The following CHUK variants were observed in gnomAD, a reference collection of about 807,000 sequenced individuals.
CHUK encodes component of inhibitor of nuclear factor kappa B kinase complex.
In CHUK, 35 loss-of-function variants were observed where a neutral mutation model predicts 104.8. The ratio of observed to expected loss-of-function variants is 0.33; its 90% confidence interval spans 0.26 to 0.44. The LOEUF is 0.44. Ranked by LOEUF, CHUK falls within the 20% of genes least tolerant of loss-of-function variation. The pLI is 1.00. For missense variants in CHUK, 663 were observed against 902.7 expected, an observed-to-expected ratio of 0.73 and a Z score of 3.40; for synonymous variants, 276 against 291.9, an observed-to-expected ratio of 0.95 and a Z score of 0.56.
intron 10 of CHUK, among the ~76,000 whole-genome samples, chr10:100,208,299 G>A (rs1361594259): frequency 6.6e-6 from 1 of 152,084 alleles, no homozygotes; most frequent in Admixed American, 6.5e-5. Context: ...TAGAGACAGG[G>A]CTTCAACATG....
rs1463653608 is a variant in CHUK, at chr10:100,220,665, G to A, written c.397C>T (p.Arg133Ter). The change falls in exon 5 of 21, where the codon CGA becomes TGA. Residue 133 changes from arginine to a stop codon, truncating the protein, a stop_gained. Transcript: ENST00000370397. LOFTEE classifies it high-confidence loss of function. ...ATAATTTTGTTTTCATGCAAATATCGAATCCCAGACCCTAAATAAAGTTTA... is the reference window on the plus strand; with the variant it reads ...ATAATTTTGTTTTCATGCAAATATCAAATCCCAGACCCTAAATAAAGTTTA... ...SLLSDIGSGI[R>*]YLHENKIIHR... 2.5e-6 allele frequency: 4 copies of A among 1,603,830 alleles called. No homozygotes were observed. The African/African-American group carries it at 4.0e-5, about 16-fold the overall frequency.
intron 10 of CHUK, 126 bp downstream of exon 10, chr10:100,209,469 G>A (rs536849759): frequency 1.3e-5 from 9 of 690,874 alleles, no homozygotes; most frequent in Non-Finnish European, 2.1e-5. Context: ...TAAGAGTTGG[G>A]AGAAGGACAA....
Position 100,229,565 on chromosome 10 carries a change from A to C in CHUK, c.-33T>G. 1.4e-6 allele frequency: 2 copies of C among 1,380,398 alleles called. No homozygotes were observed. Among genetic ancestry groups the C allele is most frequent in the Non-Finnish European group, 2.0e-6 (2 of 1,014,462 alleles). 85.5% of individuals were successfully genotyped at this position (1,380,398 alleles called of 1,614,324 possible). A position where few individuals can be genotyped will look rare whatever the true frequency, so the allele number is the denominator to read the frequency against. ...GAGGGCAAGCGGCCTCAGGTTCCAC[A>C]GTTGTTCCAAGGCCGGTTCCGGGCC... is the stretch of plus-strand genomic sequence containing the variant. On this transcript the variant is annotated 5_prime_UTR_variant, in exon 1 of 21. Transcript: ENST00000370397.
intron 20 of CHUK, 26 bp downstream of exon 20, chr10:100,190,843 G>C (rs779268618): frequency 1.5e-6 from 2 of 1,323,292 alleles, no homozygotes; most frequent in Non-Finnish European, 2.2e-6. Context: ...AGCCAAAGCA[G>C]GCACCCATAT....
At chr10:100,204,425 C>T (rs1405120426) in intron 13 of CHUK, 81 bp downstream of exon 13, 1 of 1,119,308 alleles carries the variant, frequency 8.9e-7, no homozygotes, top group East Asian at 2.3e-5. Flanking sequence ...AGTAAAACAA[C>T]TGGCTGAGTT....
chr10:100,229,529 C>T lies in CHUK; in HGVS notation c.4G>A (p.Glu2Lys). M[E>K]RPPGLRPGAG... is the part of the protein sequence containing the mutation. ...CCCGGCCGCAGCCCCGGGGGCCGCT[C>T]CATGGGGCGGGAGGGCAAGCGGCCT... The change falls in exon 1 of 21, where the codon GAG (glutamate) becomes AAG (lysine). Residue 2 changes from glutamate (E) to lysine (K), a missense_variant. Physicochemically the swap from Glu to Lys is moderately conservative, Grantham distance 56. Around this residue, in one of 5 missense-constraint regions of CHUK, gnomAD observed 44 missense variants for 39.2 expected, o/e 1.12. Coordinates refer to ENST00000370397, the MANE Select transcript of CHUK (RefSeq NM_001278.5). The T allele has an allele frequency of 2.6e-6, 4 of 1,540,412 alleles. No individual in the cohort carries two copies. Among genetic ancestry groups the T allele is most frequent in the Non-Finnish European group, 3.5e-6 (4 of 1,147,802 alleles).
At chr10:100,218,934 A>C in intron 7 of CHUK, 74 bp downstream of exon 7, 1 of 1,572,048 alleles carries the variant, frequency 6.4e-7, no homozygotes, top group East Asian at 2.2e-5. Flanking sequence ...AAACAATTAA[A>C]GAAAGAAAAA....
chr10:100,223,606 CT>C (rs1168506872), intron 2 of CHUK, among the ~76,000 whole-genome samples: 4 of 136,950 alleles, frequency 2.9e-5, no homozygotes, highest in African/African-American at 6.9e-5. Flanking sequence ...GACCACATCT[CT>C]TTTAAAAAAA....
At chr10:100,218,624 C>G in intron 8 of CHUK, 94 bp downstream of exon 8, 1 of 839,020 alleles carries the variant, frequency 1.2e-6, no homozygotes, top group Non-Finnish European at 2.1e-6. Flanking sequence ...GAAAGTTCTA[C>G]TGGATAATGC....
At chr10:100,224,445 A>ATTAT (rs1387260536) in intron 2 of CHUK, among the ~76,000 whole-genome samples, 7 of 151,982 alleles carry the variant, frequency 4.6e-5, no homozygotes, top group South Asian at 2.1e-4. Flanking sequence ...TTTATTTTTT[A>ATTAT]TTATTTATTT....
intron 18 of CHUK, 150 bp downstream of exon 18, chr10:100,193,834 G>C (rs780520158): frequency 2.8e-5 from 20 of 711,054 alleles, no homozygotes; most frequent in Non-Finnish European, 4.2e-5. Flanking sequence ...TCAATTGCTA[G>C]TCTGGACACC....
chr10:100,208,526 G>T (rs1275761183), intron 10 of CHUK, among the ~76,000 whole-genome samples: 1 of 152,172 alleles, frequency 6.6e-6, no homozygotes, highest in Non-Finnish European at 1.5e-5. Flanking sequence ...GAGTGGCCGG[G>T]TGCAGTGGCT....
chr10:100,224,640 T>C (rs562345325), intron 2 of CHUK, among the ~76,000 whole-genome samples: 1 of 152,140 alleles, frequency 6.6e-6, no homozygotes, highest in South Asian at 2.1e-4. Context: ...TTTTGCCATG[T>C]TGACCGGGCT....
chr10:100,217,439 G>C (rs746569862), intron 9 of CHUK, among the ~76,000 whole-genome samples: 1 of 152,068 alleles, frequency 6.6e-6, no homozygotes. Flanking sequence ...TAAATGAATC[G>C]AGGATAATGG....
Position 100,219,341 on chromosome 10 carries a change from C to T in CHUK, c.493G>A (p.Asp165Asn). 1 of 1,575,546 alleles carries T rather than the reference C, an allele frequency of 6.3e-7. No individual in the cohort carries two copies. Among genetic ancestry groups the T allele is most frequent in the Admixed American group, 1.7e-5 (1 of 59,942 alleles). Residue 165 changes from aspartate to asparagine, a missense_variant, in exon 6 of 21, where the codon GAT becomes AAT. By Grantham distance (23) the Asp-to-Asn change is conservative. This residue lies in a region of CHUK where 200 missense variants were observed against 333.0 expected (regional missense o/e 0.60). Coordinates refer to ENST00000370397, the MANE Select transcript of CHUK (RefSeq NM_001278.5). Reference protein sequence around the residue: ...VGGKIIHKIIDLGYAKDVDQG... With the variant: ...VGGKIIHKIINLGYAKDVDQG... ...TCAACATCTTTGGCATATCCCAGAT[C>T]AATTATTTTATGTATTATCTGCAAA...
At position 100,219,333 on chromosome 10, in the gene CHUK, T is replaced by C; in HGVS notation, c.501A>G (p.Gly167=). ...TTCCTTGATCAACATCTTTGGCATATCCCAGATCAATTATTTTATGTATTA... is the reference window on the plus strand; with the variant it reads ...TTCCTTGATCAACATCTTTGGCATACCCCAGATCAATTATTTTATGTATTA... ...GKIIHKIIDL[G]YAKDVDQGSL... The change falls in exon 6 of 21, where the codon GGA becomes GGG. Residue 167 remains glycine (G), a synonymous_variant. Transcript: ENST00000370397. 1 of 1,585,980 alleles carries C rather than the reference T, an allele frequency of 6.3e-7. No individual in the cohort carries two copies. Among genetic ancestry groups the C allele is most frequent in the African/African-American group, 1.3e-5 (1 of 74,492 alleles).
intron 10 of CHUK, among the ~76,000 whole-genome samples, 191 bp from the exon 11 acceptor site, chr10:100,207,523 C>A (rs1302659639): frequency 6.6e-6 from 1 of 152,056 alleles, no homozygotes; most frequent in Non-Finnish European, 1.5e-5. Flanking sequence ...TTTGTATGGG[C>A]TAAAGTGAAC....
rs1342251929 is a variant in CHUK, at chr10:100,189,582, G to A, written c.*16C>T. ...AACAACTTCCATAGGTTTGGGGACA[G>A]TGAACAAGTGACAACTCATTCTGTT... On this transcript the variant is annotated 3_prime_UTR_variant, in exon 21 of 21. Transcript: ENST00000370397. The A allele has an allele frequency of 6.2e-7, 1 of 1,607,110 alleles. No individual in the cohort carries two copies.
intron 2 of CHUK, 79 bp from the exon 3 acceptor site, chr10:100,223,059 G>A (rs1846026455): frequency 1.4e-6 from 1 of 731,334 alleles, no homozygotes; most frequent in Non-Finnish European, 2.5e-6. Context: ...CTACTTAATT[G>A]TGGGTGGATG....
Sources: gnomAD v4.1 joint callset for allele counts (sites outside exome capture counted in the v4.1 genomes callset) on GRCh38, gnomAD v4.1.1 for gene constraint, gnomAD v4.1.1 regional missense constraint, MANE v1.5 for transcripts, NCBI Gene and HGNC (gene_info 2026-07-23, HGNC 2026-07-21) for gene names.